Variants in AGBL4 observed in about 807,000 individuals in gnomAD.
AGBL4 encodes the protein AGBL carboxypeptidase 4.
Under a neutral mutation model 66.4 loss-of-function variants are expected in AGBL4, and 58 were observed. That is an observed-to-expected ratio of 0.87 (90% CI 0.71 to 1.09). The LOEUF is 1.09. Ranked by LOEUF, AGBL4 falls within the 50% of genes least tolerant of loss-of-function variation. The pLI is 0.00. For synonymous variants in AGBL4, 234 were observed against 222.9 expected, an observed-to-expected ratio of 1.05 and a Z score of -0.44; for missense variants, 579 against 631.0, an observed-to-expected ratio of 0.92 and a Z score of 0.88.
At chr1:49,744,779 A>C (rs1312444053) in intron 2 of AGBL4, among the ~76,000 whole-genome samples, 6 of 152,122 alleles carry the variant, frequency 3.9e-5, no homozygotes, top group Non-Finnish European at 8.8e-5. Flanking sequence ...TAACAATAAG[A>C]AGCCAAATAA....
intron 3 of AGBL4, among the ~76,000 whole-genome samples, chr1:49,385,202 A>G (rs1570586742): frequency 6.6e-6 from 1 of 152,154 alleles, no homozygotes; most frequent in East Asian, 1.9e-4. Flanking sequence ...TCAAGATAGA[A>G]AAGTTTTAGA....
intron 1 of AGBL4, among the ~76,000 whole-genome samples, chr1:49,905,846 A>T (rs147559772): frequency 6.6e-6 from 1 of 152,242 alleles, no homozygotes; most frequent in East Asian, 1.9e-4. Flanking sequence ...TTAAAATAAT[A>T]GATTCATAAC....
chr1:49,847,135 C>T (rs1646168881), intron 2 of AGBL4, among the ~76,000 whole-genome samples: 1 of 152,070 alleles, frequency 6.6e-6, no homozygotes, highest in Admixed American at 6.5e-5. Context: ...CACCTATCTC[C>T]AGCCAACTAC....
At chr1:49,726,097 C>A (rs1291542356) in intron 2 of AGBL4, among the ~76,000 whole-genome samples, 1 of 151,958 alleles carries the variant, frequency 6.6e-6, no homozygotes, top group African/African-American at 2.4e-5. Flanking sequence ...AGTATAATGA[C>A]AATGACGGTA....
In AGBL4 at chr1:50,022,614, CCACACACACACACA is replaced by C. The variant is rs10588611; in HGVS notation, c.34+1135_34+1148del. Among the ~76,000 whole-genome samples the C allele has an allele frequency of 1.1e-3, 161 of 141,296 alleles. 4 individuals carry two copies. Among genetic ancestry groups the C allele is most frequent in the South Asian group, 2.9e-3 (12 of 4,092 alleles). The allele number at this position is 141,296 out of a possible 152,430, so 92.7% of individuals were successfully genotyped here. On this transcript the variant is annotated intron_variant, in intron 1 of 13. Coordinates refer to ENST00000371839, the MANE Select transcript of AGBL4 (RefSeq NM_032785.4). Reference sequence around the variant, plus strand: ...GGGGTGTGGTGTGTATGTACCATAACCACACACACACACACACACACACACACACACACACACAC... The same window carrying C: ...GGGGTGTGGTGTGTATGTACCATAACCACACACACACACACACACACACAC...
chr1:49,786,073 A>C (rs1327465302), intron 2 of AGBL4, among the ~76,000 whole-genome samples: 1 of 151,976 alleles, frequency 6.6e-6, no homozygotes, highest in Non-Finnish European at 1.5e-5. Flanking sequence ...ATATTCCAGA[A>C]AACAAAGGGA....
chr1:48,604,289 G>C (rs1312394373), intron 9 of AGBL4, among the ~76,000 whole-genome samples: 2 of 151,822 alleles, frequency 1.3e-5, no homozygotes, highest in Admixed American at 6.6e-5. Context: ...CTGGATTGAG[G>C]GGGGGCATCC....
chr1:49,957,968 A>C (rs1442078881), intron 1 of AGBL4, among the ~76,000 whole-genome samples: 1 of 152,044 alleles, frequency 6.6e-6, no homozygotes, highest in Non-Finnish European at 1.5e-5. Flanking sequence ...TGGTCTTTAC[A>C]ATTTGGCATG....
At chr1:49,421,383 G>A (rs974195938) in intron 3 of AGBL4, among the ~76,000 whole-genome samples, 2 of 151,832 alleles carry the variant, frequency 1.3e-5, no homozygotes, top group Non-Finnish European at 2.9e-5. Context: ...TACGGGGGGC[G>A]GGGGGAAGCT....
chr1:49,213,439 C>T (rs536314200), intron 4 of AGBL4, among the ~76,000 whole-genome samples: 1 of 151,924 alleles, frequency 6.6e-6, no homozygotes, highest in Non-Finnish European at 1.5e-5. Flanking sequence ...TTGGTGCTGT[C>T]TTCGTGATAA....
chr1:49,824,468 A>C (rs986659380), intron 2 of AGBL4, among the ~76,000 whole-genome samples: 2 of 152,192 alleles, frequency 1.3e-5, no homozygotes, highest in African/African-American at 2.4e-5. Context: ...TTGAATCACA[A>C]GGGAAGGCAC....
At chr1:49,981,305 A>G (rs1659037160) in intron 1 of AGBL4, among the ~76,000 whole-genome samples, 1 of 152,210 alleles carries the variant, frequency 6.6e-6, no homozygotes, top group African/African-American at 2.4e-5. Flanking sequence ...TGCAAAAAAG[A>G]CAATATGGAA....
At chr1:49,085,931 T>C (rs1350469187) in intron 4 of AGBL4, among the ~76,000 whole-genome samples, 6 of 152,148 alleles carry the variant, frequency 3.9e-5, no homozygotes, top group African/African-American at 1.2e-4. Context: ...CAGATCAGCG[T>C]TGGTGTCATC....
chr1:49,159,226 C>T (rs1646493967), intron 4 of AGBL4, among the ~76,000 whole-genome samples: 1 of 151,934 alleles, frequency 6.6e-6, no homozygotes, highest in Non-Finnish European at 1.5e-5. Context: ...ATATTTAGTG[C>T]TTCCTTCAGG....
intron 6 of AGBL4, among the ~76,000 whole-genome samples, chr1:48,794,156 T>G (rs1645614753): frequency 6.6e-6 from 1 of 152,188 alleles, no homozygotes; most frequent in South Asian, 2.1e-4. Flanking sequence ...TTAGAACAGT[T>G]AGTGGGGTGT....
chr1:49,657,194 A>G (rs1023139821), intron 3 of AGBL4, among the ~76,000 whole-genome samples: 16 of 152,220 alleles, frequency 1.1e-4, no homozygotes, highest in South Asian at 4.2e-4. Context: ...AAAATCACAA[A>G]CATTCTTATA....
intron 3 of AGBL4, among the ~76,000 whole-genome samples, chr1:49,446,705 C>T (rs752978814): frequency 1.3e-4 from 20 of 152,024 alleles, no homozygotes; most frequent in South Asian, 6.3e-4. Context: ...CTGGTGTGGA[C>T]GATGACAGTA....
In AGBL4 at chr1:48,761,149, C is replaced by G. The variant is rs1176509372; in HGVS notation, c.635-97908G>C. On this transcript the variant is annotated intron_variant, in intron 6 of 13. Coordinates refer to ENST00000371839, the MANE Select transcript of AGBL4 (RefSeq NM_032785.4). ...TGGTGGCACAGCATGAATCAGGGCT[C>G]TCTAGAAAGTTGGCCAGCAAGGCAA... 1.0e-5 allele frequency: 6 copies of G among 602,208 alleles called. No homozygotes were observed. In the South Asian group the frequency reaches 1.1e-4, roughly 11 times the overall value. The allele number at this position is 602,208 out of a possible 1,614,324, so 37.3% of individuals were successfully genotyped here.
At chr1:49,614,030 T>C (rs1441616156) in intron 3 of AGBL4, among the ~76,000 whole-genome samples, 1 of 152,242 alleles carries the variant, frequency 6.6e-6, no homozygotes, top group Non-Finnish European at 1.5e-5. Context: ...AACACACTTG[T>C]TTGCTATGAT....
Sources: gnomAD v4.1 joint callset for allele counts (sites outside exome capture counted in the v4.1 genomes callset) on GRCh38, gnomAD v4.1.1 for gene constraint, MANE v1.5 for transcripts, NCBI Gene and HGNC (gene_info 2026-07-23, HGNC 2026-07-21) for gene names.